Variants in ERGIC2 observed in about 807,000 individuals in gnomAD.
ERGIC2 encodes the protein endoplasmic reticulum-Golgi intermediate compartment protein 2.
Under a neutral mutation model 52.5 loss-of-function variants are expected in ERGIC2, and 31 were observed. The observed-to-expected ratio is 0.59, with a 90% CI of 0.44 to 0.80. The LOEUF (loss-of-function observed/expected upper bound fraction) is 0.80, where lower values mean the gene tolerates loss of function less well. ERGIC2 is among the 30% of genes least tolerant of loss of function. The pLI, the probability that ERGIC2 is intolerant of heterozygous loss-of-function variation, is 0.00. For missense variants in ERGIC2, 395 were observed against 455.2 expected, an observed-to-expected ratio of 0.87 and a Z score of 1.20; for synonymous variants, 129 against 140.6, an observed-to-expected ratio of 0.92 and a Z score of 0.58.
intron 9 of ERGIC2, 38 bp from the exon 10 acceptor site, chr12:29,349,215 TTA>T: frequency 2.0e-6 from 2 of 1,017,168 alleles, no homozygotes; most frequent in Middle Eastern, 4.3e-4. Flanking sequence ...AGCAGAGAAA[TTA>T]TATTATTCAA....
intron 8 of ERGIC2, among the ~76,000 whole-genome samples, chr12:29,353,380 A>T (rs1940159335): frequency 6.6e-6 from 1 of 152,186 alleles, no homozygotes; most frequent in South Asian, 2.1e-4. Flanking sequence ...CAAACAAACA[A>T]CAAAGTTTTT....
intron 6 of ERGIC2, among the ~76,000 whole-genome samples, chr12:29,358,403 G>T (rs139593612): frequency 1.1e-3 from 171 of 152,260 alleles, no homozygotes; most frequent in Admixed American, 2.2e-3. Context: ...TAAACAGGCA[G>T]AGCACAGATA....
chr12:29,353,180 T>C (rs1194228510), intron 8 of ERGIC2, among the ~76,000 whole-genome samples: 2 of 152,202 alleles, frequency 1.3e-5, no homozygotes, highest in Non-Finnish European at 2.9e-5. Context: ...ACATAAAGTA[T>C]ACTAAAACCT....
At chr12:29,345,637 G>C in intron 10 of ERGIC2, 97 bp from the exon 11 acceptor site, 1 of 734,114 alleles carries the variant, frequency 1.4e-6, no homozygotes, top group East Asian at 2.6e-5. Context: ...AATTTAGCTG[G>C]ATGTGGTGGC....
intron 12 of ERGIC2, among the ~76,000 whole-genome samples, chr12:29,342,038 C>T (rs1385033625): frequency 2.6e-5 from 4 of 151,088 alleles, no homozygotes; most frequent in South Asian, 2.1e-4. Context: ...TTTTTTGAGA[C>T]GTCTCACTCT....
chr12:29,361,968 T>C (rs963972524), intron 5 of ERGIC2, among the ~76,000 whole-genome samples: 2 of 152,158 alleles, frequency 1.3e-5, no homozygotes, highest in African/African-American at 4.8e-5. Context: ...ATGTACAAAA[T>C]GGTATCCTAG....
chr12:29,368,279 C>T lies in ERGIC2; in HGVS notation c.224G>A (p.Arg75Lys). Residue 75 changes from arginine (R) to lysine (K), a missense_variant, in exon 4 of 14, where the codon AGA (arginine) becomes AAA (lysine). Transcript: ENST00000360150. Reference protein sequence around the residue: ...EVDKDFSSKLRINIDITVAMK... With the variant: ...EVDKDFSSKLKINIDITVAMK... ...GGCAACAGTAATATCTATATTAATT[C>T]TTAATTTGCTGAAAGACAAAATATT... The T allele has an allele frequency of 1.3e-6, 2 of 1,529,122 alleles. No individual in the cohort carries two copies. Among genetic ancestry groups the T allele is most frequent in the Non-Finnish European group, 1.8e-6 (2 of 1,105,334 alleles). 94.7% of individuals were successfully genotyped at this position (1,529,122 alleles called of 1,614,324 possible).
chr12:29,364,222 A>C (rs189367465), intron 5 of ERGIC2, among the ~76,000 whole-genome samples: 61 of 152,238 alleles, frequency 4.0e-4, no homozygotes, highest in African/African-American at 1.4e-3. Flanking sequence ...GAATCCATAA[A>C]ACATACCTAC....
At chr12:29,363,282 A>G (rs12810064) in intron 5 of ERGIC2, among the ~76,000 whole-genome samples, 18,153 of 152,226 alleles carry the variant, frequency 0.12, 1,248 homozygotes, top group Middle Eastern at 0.24. Context: ...CTATCATAGC[A>G]TATTGTATGA....
intron 1 of ERGIC2, among the ~76,000 whole-genome samples, chr12:29,379,369 A>C (rs1940556087): frequency 6.6e-6 from 1 of 152,176 alleles, no homozygotes; most frequent in South Asian, 2.1e-4. Context: ...GAAAGGAAGA[A>C]CTTATGCTTT....
intron 8 of ERGIC2, among the ~76,000 whole-genome samples, chr12:29,354,611 G>GT (rs1940177215): frequency 6.6e-6 from 1 of 152,156 alleles, no homozygotes; most frequent in Admixed American, 6.6e-5. Context: ...CTTGACAAAT[G>GT]TAACACTAAA....
At chr12:29,369,879 T>C (rs894858388) in intron 3 of ERGIC2, among the ~76,000 whole-genome samples, 1 of 151,990 alleles carries the variant, frequency 6.6e-6, no homozygotes, top group South Asian at 2.1e-4. Flanking sequence ...TCCCCTAACT[T>C]TTTGAAACAA....
chr12:29,344,793 T>G (rs1313961015), intron 11 of ERGIC2, among the ~76,000 whole-genome samples: 3 of 152,222 alleles, frequency 2.0e-5, no homozygotes, highest in Non-Finnish European at 4.4e-5. Flanking sequence ...AGAATTCTTC[T>G]GGATACAAGT....
intron 5 of ERGIC2, among the ~76,000 whole-genome samples, chr12:29,361,994 A>T (rs1202449855): frequency 1.3e-5 from 2 of 152,212 alleles, no homozygotes; most frequent in African/African-American, 4.8e-5. Flanking sequence ...AAAATCATTT[A>T]AATGATGCTA....
intron 1 of ERGIC2, among the ~76,000 whole-genome samples, chr12:29,380,394 T>C (rs1038240196): frequency 2.6e-5 from 4 of 152,134 alleles, no homozygotes; most frequent in African/African-American, 9.7e-5. Flanking sequence ...TAACAGCTAT[T>C]ATGCCACTTT....
At chr12:29,371,804 G>A (rs575661789) in intron 1 of ERGIC2, 134 bp from the exon 2 acceptor site, 2 of 536,262 alleles carry the variant, frequency 3.7e-6, no homozygotes, top group South Asian at 5.3e-5. Flanking sequence ...AAAAAGCATA[G>A]TATTTATCCA....
At chr12:29,341,867 T>C in intron 12 of ERGIC2, 51 bp from the exon 13 acceptor site, 2 of 880,266 alleles carry the variant, frequency 2.3e-6, no homozygotes, top group Non-Finnish European at 3.8e-6. Context: ...AACTGTTATT[T>C]AAGAATAAAT....
chr12:29,375,390 T>A (rs1273819192), intron 1 of ERGIC2, among the ~76,000 whole-genome samples: 3 of 152,098 alleles, frequency 2.0e-5, no homozygotes, highest in Non-Finnish European at 4.4e-5. Flanking sequence ...AGGAAGGAAA[T>A]TTTCCCAGAA....
chr12:29,369,689 T>G (rs1940412109), intron 3 of ERGIC2, among the ~76,000 whole-genome samples: 1 of 151,960 alleles, frequency 6.6e-6, no homozygotes, highest in Non-Finnish European at 1.5e-5. Context: ...TTCAAAAGTT[T>G]AAAAGTAATC....
Sources: allele counts gnomAD v4.1 joint callset (sites outside exome capture counted in the v4.1 genomes callset), GRCh38; gene constraint gnomAD v4.1.1; transcripts MANE v1.5; gene names NCBI Gene and HGNC (gene_info 2026-07-23, HGNC 2026-07-21).